EPM2A: variants seen among roughly 807,000 people sequenced by gnomAD.
EPM2A encodes EPM2A glucan phosphatase, laforin, also known as laforin.
A neutral mutation model predicts 26.5 loss-of-function variants in EPM2A; 21 were observed. The observed-to-expected ratio is 0.79, with a 90% CI of 0.56 to 1.14. The LOEUF is 1.14. Ranked by LOEUF, EPM2A falls within the 50% of genes most tolerant of loss-of-function variation. EPM2A has a pLI of 0.00. For missense variants in EPM2A, 458 were observed against 440.8 expected (o/e 1.04, Z -0.35); for synonymous variants, 217 against 177.6 (o/e 1.22, Z -1.76).
At chr6:145,657,819 G>A (rs368575753) in intron 2 of EPM2A, among the ~76,000 whole-genome samples, 5 of 152,254 alleles carry the variant, frequency 3.3e-5, no homozygotes, top group African/African-American at 9.6e-5. Flanking sequence ...TCACTTTTAA[G>A]ACAGTAGAAG....
At chr6:145,706,698 G>A (rs775234677) in intron 1 of EPM2A, among the ~76,000 whole-genome samples, 18 of 152,188 alleles carry the variant, frequency 1.2e-4, no homozygotes, top group Admixed American at 3.9e-4. Context: ...ATGTGTATAC[G>A]CATGTGTTAG....
intron 4 of EPM2A, among the ~76,000 whole-genome samples, chr6:145,419,237 T>C (rs1778751607): frequency 7.1e-6 from 1 of 140,998 alleles, no homozygotes; most frequent in Non-Finnish European, 1.5e-5. Context: ...AACAGTACAG[T>C]ACAGTGAGCC....
At chr6:145,694,094 G>A (rs970846253) in intron 1 of EPM2A, among the ~76,000 whole-genome samples, 2 of 151,870 alleles carry the variant, frequency 1.3e-5, no homozygotes, top group African/African-American at 4.8e-5. Flanking sequence ...GATAGGTGTA[G>A]TCTCCTTAAG....
chr6:145,621,459 G>A (rs1396243487), downstream of EPM2A, among the ~76,000 whole-genome samples: 2 of 152,158 alleles, frequency 1.3e-5, no homozygotes, highest in Non-Finnish European at 2.9e-5. Context: ...ATACCCAGAA[G>A]TGAGACTGCT....
intron 2 of EPM2A, among the ~76,000 whole-genome samples, chr6:145,651,727 C>T (rs151049322): frequency 7.8e-4 from 118 of 152,232 alleles, no homozygotes; most frequent in Non-Finnish European, 1.4e-3. Context: ...CAGTGATTAA[C>T]AGTACTAAGA....
At chr6:145,517,394 C>T (rs1780143176) in intron 2 of EPM2A, among the ~76,000 whole-genome samples, 1 of 151,984 alleles carries the variant, frequency 6.6e-6, no homozygotes, top group Admixed American at 6.6e-5. Flanking sequence ...AAATCACAAA[C>T]AAACAAAAAG....
intron 2 of EPM2A, among the ~76,000 whole-genome samples, chr6:145,677,460 G>A (rs1780143780): frequency 6.6e-6 from 1 of 152,106 alleles, no homozygotes; most frequent in Admixed American, 6.5e-5. Flanking sequence ...AAGAAATAAA[G>A]GGTATTCAAT....
Position 145,558,684 on chromosome 6 carries a change from T to C in EPM2A, c.341-56109A>G, listed in dbSNP as rs577664414. Among the ~76,000 whole-genome samples the C allele has an allele frequency of 2.0e-5, 3 of 152,118 alleles. No individual in the cohort carries two copies. The East Asian group carries it at 5.8e-4, about 29-fold the overall frequency. The stretch of plus-strand genomic sequence containing the variant: ...GTATATGTTGGCCATTTGTACGTGC[T>C]TTTCGAGAAATGTTTATTCAGATCC... On this transcript the variant is annotated intron_variant, in intron 2 of 3. Transcript: ENST00000450221.
At chr6:145,654,869 TTC>T (rs1430474949) in intron 2 of EPM2A, among the ~76,000 whole-genome samples, 5 of 152,230 alleles carry the variant, frequency 3.3e-5, no homozygotes, top group Non-Finnish European at 7.3e-5. Flanking sequence ...TGTTTCTAGA[TTC>T]TCTTACTTCA....
At chr6:145,541,286 A>T (rs1582837358) in intron 2 of EPM2A, among the ~76,000 whole-genome samples, 1 of 149,954 alleles carries the variant, frequency 6.7e-6, no homozygotes, top group African/African-American at 2.4e-5. Flanking sequence ...TATATATATA[A>T]AAAACACCAA....
At chr6:145,413,749 T>C (rs531883286) in intron 4 of EPM2A, among the ~76,000 whole-genome samples, 2 of 152,322 alleles carry the variant, frequency 1.3e-5, no homozygotes, top group African/African-American at 4.8e-5. Flanking sequence ...CTCTTGGCCA[T>C]AGTTACAAGG....
intron 2 of EPM2A, among the ~76,000 whole-genome samples, chr6:145,613,828 C>T (rs1337239304): frequency 6.6e-6 from 1 of 152,118 alleles, no homozygotes; most frequent in Non-Finnish European, 1.5e-5. Context: ...TTATAGAGCA[C>T]AGGCAGATAA....
intron 2 of EPM2A, among the ~76,000 whole-genome samples, chr6:145,571,549 T>C (rs898898215): frequency 4.6e-5 from 7 of 152,226 alleles, no homozygotes; most frequent in Admixed American, 3.9e-4. Flanking sequence ...TCCATTTCAG[T>C]GAGGACAAAC....
chr6:145,703,248 C>T (rs539782116), intron 1 of EPM2A, among the ~76,000 whole-genome samples: 77 of 152,120 alleles, frequency 5.1e-4, no homozygotes, highest in South Asian at 2.9e-3. Context: ...TCCGCCACCA[C>T]GCCCAGCTAA....
chr6:145,653,749 G>C (rs923853822), intron 2 of EPM2A, among the ~76,000 whole-genome samples: 1 of 152,232 alleles, frequency 6.6e-6, no homozygotes, highest in Non-Finnish European at 1.5e-5. Flanking sequence ...GGGGAAGTCA[G>C]TCTTTTCTTA....
chr6:145,409,367 C>A (rs1291793447), intron 4 of EPM2A, among the ~76,000 whole-genome samples: 2 of 152,024 alleles, frequency 1.3e-5, no homozygotes, highest in South Asian at 2.1e-4. Context: ...ATATAGGTAG[C>A]CATTTTTATG....
intron 4 of EPM2A, among the ~76,000 whole-genome samples, chr6:145,446,377 C>CTGGTATAATATGCTATGTAGCAAAAGTA (rs1429861166): frequency 1.6e-4 from 25 of 152,224 alleles, no homozygotes; most frequent in Admixed American, 2.6e-4. Context: ...ATAACTAGAT[C>CTGGTATAATATGCTATGTAGCAAAAGTA]ATCAGTGGGC....
At chr6:145,610,408 C>G (rs1775368501) in intron 2 of EPM2A, among the ~76,000 whole-genome samples, 1 of 152,250 alleles carries the variant, frequency 6.6e-6, no homozygotes, top group Admixed American at 6.5e-5. Context: ...CCCTCTAAAG[C>G]AAAAAGCACA....
chr6:145,735,071 A>T, intron 1 of EPM2A, 127 bp downstream of exon 1: 1 of 549,578 alleles, frequency 1.8e-6, no homozygotes, highest in Non-Finnish European at 2.8e-6. Context: ...GTGCGCAGGG[A>T]CGCGGGCAAA....
Sources: allele counts gnomAD v4.1 joint callset (sites outside exome capture counted in the v4.1 genomes callset), GRCh38; gene constraint gnomAD v4.1.1; transcripts MANE v1.5; gene names NCBI Gene and HGNC (gene_info 2026-07-23, HGNC 2026-07-21).